The following STAG1 variants were observed in gnomAD, a reference collection of about 807,000 sequenced individuals.
STAG1 encodes the protein cohesin subunit SA-1.
A neutral mutation model predicts 170.9 loss-of-function variants in STAG1; 26 were observed. That is an observed-to-expected ratio of 0.15 (90% confidence interval 0.11 to 0.21). The LOEUF is 0.21. Ranked by LOEUF, STAG1 falls within the 10% of genes least tolerant of loss-of-function variation. The probability of loss-of-function intolerance (pLI) is 1.00; values close to 1 mark genes in which losing one functional copy is unlikely to be tolerated. For synonymous variants in STAG1, 514 were observed against 497.7 expected, an observed-to-expected ratio of 1.03 and a Z score of -0.44; for missense variants, 964 against 1,509.5, an observed-to-expected ratio of 0.64 and a Z score of 5.99.
At chr3:136,527,781 G>T (rs985582520) in intron 6 of STAG1, among the ~76,000 whole-genome samples, 2 of 152,162 alleles carry the variant, frequency 1.3e-5, no homozygotes, top group Admixed American at 1.3e-4. Flanking sequence ...TGTCCTTTCT[G>T]TTTGTTAGTT....
intron 2 of STAG1, 70 bp downstream of exon 2, chr3:136,630,800 T>A: frequency 9.1e-7 from 1 of 1,099,922 alleles, no homozygotes; most frequent in South Asian, 1.4e-5. Context: ...AAGAGAGCAT[T>A]TTGATAAAGA....
At chr3:136,379,124 C>G (rs991779396) in intron 22 of STAG1, among the ~76,000 whole-genome samples, 49 of 152,208 alleles carry the variant, frequency 3.2e-4, no homozygotes, top group Admixed American at 3.1e-3. Context: ...GAGAACTTTT[C>G]ATGTTTCTGC....
intron 3 of STAG1, among the ~76,000 whole-genome samples, chr3:136,610,016 G>T (rs1402938818): frequency 6.6e-6 from 1 of 151,946 alleles, no homozygotes; most frequent in Non-Finnish European, 1.5e-5. Flanking sequence ...TCTATTGCAT[G>T]TTTTTTTATA....
rs773986221 is a variant in STAG1, at chr3:136,421,086, A to G, written c.2108+7T>C. 1 of 1,582,720 alleles carries G rather than the reference A, an allele frequency of 6.3e-7. No individual in the cohort carries two copies. The highest frequency in any genetic ancestry group is 1.4e-5 in the African/African-American group (1 of 73,806). On this transcript the variant is annotated splice_region_variant and intron_variant, in intron 20 of 33. Coordinates refer to ENST00000383202, the MANE Select transcript of STAG1 (RefSeq NM_005862.3). ...TCGTTGCCTTTACTTTAAATAAAAT[A>G]ACGTACTTGTGAAAAGAAGTTAACC...
intron 1 of STAG1, among the ~76,000 whole-genome samples, chr3:136,690,169 T>A (rs1942676311): frequency 6.6e-6 from 1 of 151,222 alleles, no homozygotes; most frequent in Non-Finnish European, 1.5e-5. Context: ...GGTGGCTGAA[T>A]GACATCCAGT....
chr3:136,488,382 C>T (rs2090058191), intron 9 of STAG1, among the ~76,000 whole-genome samples: 1 of 152,218 alleles, frequency 6.6e-6, no homozygotes, highest in Non-Finnish European at 1.5e-5. Context: ...CTTGGCCTCC[C>T]AAAGGGCTGG....
chr3:136,665,567 CAGG>C (rs1428983377), intron 1 of STAG1, among the ~76,000 whole-genome samples: 2 of 151,742 alleles, frequency 1.3e-5, no homozygotes, highest in Non-Finnish European at 2.9e-5. Context: ...ATCACGAGGT[CAGG>C]AGATCGAGAC....
intron 4 of STAG1, among the ~76,000 whole-genome samples, chr3:136,597,173 ACAAAG>A (rs1938466223): frequency 6.6e-6 from 1 of 152,214 alleles, no homozygotes; most frequent in Non-Finnish European, 1.5e-5. Flanking sequence ...GTTAGTATAA[ACAAAG>A]CAATGAAAAA....
chr3:136,576,661 G>C (rs1427186587), intron 4 of STAG1, among the ~76,000 whole-genome samples: 1 of 152,154 alleles, frequency 6.6e-6, no homozygotes, highest in Non-Finnish European at 1.5e-5. Flanking sequence ...ATATGGAAAA[G>C]AGCAGTCAAT....
chr3:136,516,980 G>A (rs890498333), intron 7 of STAG1, among the ~76,000 whole-genome samples: 5 of 152,170 alleles, frequency 3.3e-5, no homozygotes, highest in African/African-American at 1.2e-4. Flanking sequence ...TCAATTTTCT[G>A]AGGCAAAATT....
intron 20 of STAG1, 132 bp downstream of exon 20, chr3:136,420,960 TG>T (rs1576449204): frequency 4.0e-6 from 2 of 505,766 alleles, no homozygotes; most frequent in East Asian, 3.3e-5. Flanking sequence ...TTGTATTTTT[TG>T]TACAGACAGG....
intron 5 of STAG1, among the ~76,000 whole-genome samples, chr3:136,559,409 T>C (rs4630889): frequency 0.36 from 54,738 of 151,702 alleles, 12,421 homozygotes; most frequent in East Asian, 0.81. Flanking sequence ...AAGCAGACAA[T>C]AAAGAGTATG....
chr3:136,665,329 G>T (rs1194018780), intron 1 of STAG1, among the ~76,000 whole-genome samples: 2 of 152,138 alleles, frequency 1.3e-5, no homozygotes, highest in Admixed American at 6.5e-5. Flanking sequence ...CCAGAGGAAG[G>T]ACTGTGGCTA....
intron 1 of STAG1, among the ~76,000 whole-genome samples, chr3:136,701,476 G>A (rs1943059348): frequency 6.6e-6 from 1 of 151,998 alleles, no homozygotes; most frequent in African/African-American, 2.4e-5. Context: ...CACATTTTCA[G>A]ACAAATCCTA....
rs1943495467 is a variant in STAG1, at chr3:136,714,986, A to AT, written c.-84+37208dup. ...ATATTTTATATATATATTTTTATAT[A>AT]TATATTTTATATATATAATATATAT... On this transcript the variant is annotated intron_variant, in intron 1 of 33. Coordinates refer to ENST00000383202, the MANE Select transcript of STAG1 (RefSeq NM_005862.3). Among the ~76,000 whole-genome samples, 5 of 110,528 alleles carry AT rather than the reference A, an allele frequency of 4.5e-5. No individual in the cohort carries two copies. The Admixed American group carries it at 5.1e-4, about 11-fold the overall frequency. 72.5% of individuals were successfully genotyped at this position (110,528 alleles called of 152,430 possible).
chr3:136,381,032 A>G (rs1290686387), intron 22 of STAG1, among the ~76,000 whole-genome samples: 4 of 149,504 alleles, frequency 2.7e-5, no homozygotes, highest in Non-Finnish European at 6.0e-5. Flanking sequence ...TCGAAAAAAA[A>G]AAAAGAAAAA....
intron 2 of STAG1, among the ~76,000 whole-genome samples, chr3:136,624,639 C>T (rs774460962): frequency 2.8e-4 from 43 of 152,236 alleles, no homozygotes; most frequent in African/African-American, 4.1e-4. Flanking sequence ...ATAGACCATC[C>T]GATACACCTT....
chr3:136,527,256 C>T (rs536591687), intron 6 of STAG1, among the ~76,000 whole-genome samples: 1 of 152,078 alleles, frequency 6.6e-6, no homozygotes, highest in Non-Finnish European at 1.5e-5. Flanking sequence ...TGGTCTTTCA[C>T]CATAGTCCCA....
At chr3:136,742,195 T>G (rs1469806922) in intron 1 of STAG1, among the ~76,000 whole-genome samples, 2 of 152,228 alleles carry the variant, frequency 1.3e-5, no homozygotes, top group Admixed American at 6.5e-5. Flanking sequence ...TGAAAAGTGC[T>G]ATTAAAACAC....
Sources: allele counts gnomAD v4.1 joint callset (sites outside exome capture counted in the v4.1 genomes callset), GRCh38; gene constraint gnomAD v4.1.1; transcripts MANE v1.5; gene names NCBI Gene and HGNC (gene_info 2026-07-23, HGNC 2026-07-21).